The following MAPKAP1 variants were observed in gnomAD, a reference collection of about 807,000 sequenced individuals.
MAPKAP1 encodes target of rapamycin complex 2 subunit MAPKAP1.
MAPKAP1 carries 20 observed loss-of-function variants against 65.7 expected under a neutral mutation model. The ratio of observed to expected loss-of-function variants is 0.30; its 90% confidence interval spans 0.21 to 0.44. The LOEUF (loss-of-function observed/expected upper bound fraction) is 0.44, where lower values mean the gene tolerates loss of function less well. Among genes scored for constraint, MAPKAP1 ranks in the 20% least tolerant of loss-of-function variants. The probability of loss-of-function intolerance (pLI) is 1.00; values close to 1 mark genes in which losing one functional copy is unlikely to be tolerated. For synonymous variants in MAPKAP1, 222 were observed against 244.3 expected, an observed-to-expected ratio of 0.91 and a Z score of 0.85; for missense variants, 423 against 648.0, an observed-to-expected ratio of 0.65 and a Z score of 3.77.
At chr9:125,661,264 C>T (rs1390998005) in intron 3 of MAPKAP1, among the ~76,000 whole-genome samples, 4 of 152,136 alleles carry the variant, frequency 2.6e-5, no homozygotes, top group Admixed American at 1.3e-4. Context: ...TCCTATGAAA[C>T]GGAATTCGGA....
chr9:125,596,501 GA>G, intron 4 of MAPKAP1: 1 of 738,246 alleles, frequency 1.4e-6, no homozygotes, highest in Non-Finnish European at 2.5e-6. Flanking sequence ...ATGATGAAAG[GA>G]AACTTTGGAG....
intron 4 of MAPKAP1, among the ~76,000 whole-genome samples, chr9:125,604,352 T>C (rs949166949): frequency 1.3e-5 from 2 of 152,382 alleles, no homozygotes; most frequent in African/African-American, 4.8e-5. Flanking sequence ...AAGGTCCAGA[T>C]GTTTCAAAGG....
At position 125,534,248 on chromosome 9, in the gene MAPKAP1, A is replaced by G. The variant is rs539705351; in HGVS notation, c.958+8811T>C. The stretch of plus-strand genomic sequence containing the variant: ...TATATCTGTATGTGAACTGAAGAAA[A>G]AAAACCCAAAGGATTTACACCAAAG... On this transcript the variant is annotated intron_variant, in intron 7 of 11. Coordinates refer to ENST00000265960, the MANE Select transcript of MAPKAP1 (RefSeq NM_001006617.3). 3.3e-3 allele frequency among the ~76,000 whole-genome samples: 499 copies of G among 152,364 alleles called. 1 individual carries two copies. The highest frequency in any genetic ancestry group is 5.3e-3 in the Non-Finnish European group (358 of 68,044).
chr9:125,582,763 C>T (rs998286556), intron 5 of MAPKAP1, among the ~76,000 whole-genome samples: 11 of 152,186 alleles, frequency 7.2e-5, no homozygotes, highest in Non-Finnish European at 1.3e-4. Context: ...CTCTGGTCCC[C>T]GTCCAGGGAT....
chr9:125,595,661 C>T lies in MAPKAP1; in HGVS notation c.499-9934G>A. On this transcript the variant is annotated intron_variant, in intron 4 of 11. Transcript: ENST00000265960. This position sits in a 1 kb window ranked among gnomAD's most constrained non-coding sequence, Gnocchi z 4.0. ...GAAGCATCGTTAAAGTCTCTCTTCTCCCTGCCGTCCTAAGTCAGAGTCTCC... is the reference window on the plus strand; with the variant it reads ...GAAGCATCGTTAAAGTCTCTCTTCTTCCTGCCGTCCTAAGTCAGAGTCTCC... 1.3e-6 allele frequency: 2 copies of T among 1,499,362 alleles called. No individual in the cohort carries two copies. The highest frequency in any genetic ancestry group is 1.8e-6 in the Non-Finnish European group (2 of 1,130,134). The allele number at this position is 1,499,362 out of a possible 1,614,324, so 92.9% of individuals were successfully genotyped here.
At chr9:125,523,925 G>A (rs557328644) in intron 7 of MAPKAP1, among the ~76,000 whole-genome samples, 10 of 152,344 alleles carry the variant, frequency 6.6e-5, no homozygotes, top group African/African-American at 2.4e-4. Context: ...TTCAGAGATT[G>A]GCTCCACCTG....
At chr9:125,637,916 G>A (rs1833472182) in intron 4 of MAPKAP1, among the ~76,000 whole-genome samples, 1 of 152,102 alleles carries the variant, frequency 6.6e-6, no homozygotes, top group African/African-American at 2.4e-5. Context: ...GGGATTACAG[G>A]CATGCACCAC....
chr9:125,667,305 T>C (rs1421487743), intron 3 of MAPKAP1, among the ~76,000 whole-genome samples: 6 of 152,110 alleles, frequency 3.9e-5, no homozygotes, highest in Admixed American at 1.3e-4. Context: ...GCACCTATAT[T>C]TGATGTACTC....
rs371524490 is a variant in MAPKAP1 at position 125,672,364 on chromosome 9, C to T, written c.211G>A (p.Asp71Asn). 25 of 1,614,162 alleles carry T rather than the reference C, an allele frequency of 1.5e-5. No individual in the cohort carries two copies. Among genetic ancestry groups the T allele is most frequent in the Non-Finnish European group, 1.9e-5 (22 of 1,180,032 alleles). ...TQGYVYAQSV[D>N]ITSSWDFGIR... ...CCAAAGTCCCAACTTGAGGTAATATCGACTGACTGGGCATATACATAGCCC... is the reference window on the plus strand; with the variant it reads ...CCAAAGTCCCAACTTGAGGTAATATTGACTGACTGGGCATATACATAGCCC... Residue 71 changes from aspartate to asparagine, a missense_variant, in exon 2 of 12, where the codon GAT (aspartate) becomes AAT (asparagine). Asp to Asn is a conservative substitution (Grantham distance 23). Coordinates refer to ENST00000265960, the MANE Select transcript of MAPKAP1 (RefSeq NM_001006617.3).
intron 1 of MAPKAP1, among the ~76,000 whole-genome samples, chr9:125,678,807 A>G (rs1834733505): frequency 6.6e-6 from 1 of 152,194 alleles, no homozygotes; most frequent in African/African-American, 2.4e-5. Context: ...AATTTTACAT[A>G]CACTCATTTC....
chr9:125,660,347 A>G (rs539699751), intron 3 of MAPKAP1, among the ~76,000 whole-genome samples: 1 of 152,310 alleles, frequency 6.6e-6, no homozygotes, highest in East Asian at 1.9e-4. Context: ...CTGGGATGCT[A>G]GTTATATAAA....
At chr9:125,622,656 G>C (rs1323234427) in intron 4 of MAPKAP1, among the ~76,000 whole-genome samples, 4 of 152,150 alleles carry the variant, frequency 2.6e-5, no homozygotes. Context: ...ACGTTGGCCA[G>C]GCTGGTCTCA....
Position 125,707,186 on chromosome 9 carries a change from T to C in MAPKAP1, c.-285A>G. On this transcript the variant is annotated 5_prime_UTR_variant, in exon 1 of 12. In the 5' UTR this introduces an upstream ATG that the reference lacks. Transcript: ENST00000265960. ...CCGCCGGCCGGCCGAGCAGCAGCCC[T>C]ATTACCCCGAGCCGCACACGACCCG... 5.0e-6 allele frequency: 2 copies of C among 397,578 alleles called. No individual in the cohort carries two copies. The highest frequency in any genetic ancestry group is 8.9e-6 in the Non-Finnish European group (2 of 225,460). 24.6% of individuals were successfully genotyped at this position (397,578 alleles called of 1,614,324 possible).
chr9:125,577,851 C>G (rs13283373), intron 5 of MAPKAP1, among the ~76,000 whole-genome samples: 27 of 146,540 alleles, frequency 1.8e-4, no homozygotes, highest in African/African-American at 4.8e-4. Flanking sequence ...CGTCCGGGAG[C>G]TGAGGGGCGC....
intron 6 of MAPKAP1, among the ~76,000 whole-genome samples, chr9:125,553,643 C>T (rs1297357959): frequency 6.6e-6 from 1 of 152,140 alleles, no homozygotes; most frequent in African/African-American, 2.4e-5. Context: ...GCCCATTTGT[C>T]TATGTAGTCT....
In MAPKAP1 at chr9:125,664,402, A is replaced by G. The variant is rs376149562; in HGVS notation, c.349+5416T>C. 9.9e-5 allele frequency among the ~76,000 whole-genome samples: 15 copies of G among 151,694 alleles called. 1 individual carries two copies. The highest frequency in any genetic ancestry group is 9.2e-4 in the Admixed American group (14 of 15,234). ...TAACAGATTTATTTACAAAAGACCA[A>G]TAACAAAGGTATGAGGAAGAATGTC... On this transcript the variant is annotated intron_variant, in intron 3 of 11. Coordinates refer to ENST00000265960, the MANE Select transcript of MAPKAP1 (RefSeq NM_001006617.3).
intron 7 of MAPKAP1, among the ~76,000 whole-genome samples, chr9:125,527,634 A>AC (rs1422077867): frequency 1.3e-5 from 2 of 152,054 alleles, no homozygotes; most frequent in Non-Finnish European, 2.9e-5. Flanking sequence ...TTTCACACAC[A>AC]CCCACACGTC....
intron 11 of MAPKAP1, among the ~76,000 whole-genome samples, chr9:125,440,681 C>T (rs772359572): frequency 6.6e-6 from 1 of 152,176 alleles, no homozygotes. Context: ...GAGCAGCAGG[C>T]GTTAAAGGCT....
At position 125,691,256 on chromosome 9, in the gene MAPKAP1, G is replaced by A. The variant is rs555209094; in HGVS notation, c.-70+15715C>T. ...AGCCTGGGTGACAGAGCAAGACTCCGTCTCAAAAACAAAACAAAACAAAAC... is the reference window on the plus strand; with the variant it reads ...AGCCTGGGTGACAGAGCAAGACTCCATCTCAAAAACAAAACAAAACAAAAC... On this transcript the variant is annotated intron_variant, in intron 1 of 11. Coordinates refer to ENST00000265960, the MANE Select transcript of MAPKAP1 (RefSeq NM_001006617.3). Among the ~76,000 whole-genome samples the A allele has an allele frequency of 1.7e-3, 261 of 151,994 alleles. 1 individual carries two copies. The highest frequency in any genetic ancestry group is 6.1e-3 in the African/African-American group (254 of 41,402).
Sources: allele counts gnomAD v4.1 joint callset (sites outside exome capture counted in the v4.1 genomes callset), GRCh38; gene constraint gnomAD v4.1.1; non-coding constraint Gnocchi (gnomAD v3.1); transcripts MANE v1.5; gene names NCBI Gene and HGNC (gene_info 2026-07-23, HGNC 2026-07-21).